Variants in PCDHA11 observed in about 807,000 individuals in gnomAD.
The protein encoded by PCDHA11 is protocadherin alpha 11, also known as protocadherin alpha-11.
PCDHA11 carries 61 observed loss-of-function variants against 70.3 expected under a neutral mutation model. The ratio of observed to expected loss-of-function variants is 0.87; its 90% CI spans 0.71 to 1.07. The LOEUF (loss-of-function observed/expected upper bound fraction) is 1.07. PCDHA11 is among the 50% of genes least tolerant of loss of function. The probability of loss-of-function intolerance (pLI) is 0.00; values close to 1 mark genes in which losing one functional copy is unlikely to be tolerated. For missense variants in PCDHA11, 1,324 were observed against 1,237.5 expected, an observed-to-expected ratio of 1.07 and a Z score of -1.05; for synonymous variants, 633 against 555.1, an observed-to-expected ratio of 1.14 and a Z score of -1.97.
At chr5:140,961,252 C>T (rs1185090498) in intron 1 of PCDHA11, among the ~76,000 whole-genome samples, 1 of 152,158 alleles carries the variant, frequency 6.6e-6, no homozygotes, top group African/African-American at 2.4e-5. Context: ...TTATCCGAAG[C>T]TCCAGGAAGC....
chr5:140,961,564 T>A (rs2095622037), intron 1 of PCDHA11, among the ~76,000 whole-genome samples: 1 of 152,208 alleles, frequency 6.6e-6, no homozygotes, highest in African/African-American at 2.4e-5. Flanking sequence ...TTTTAAATTT[T>A]GTTTTGATAA....
At chr5:140,952,325 T>G in intron 1 of PCDHA11, among the ~76,000 whole-genome samples, 1 of 133,382 alleles carries the variant, frequency 7.5e-6, no homozygotes, top group Non-Finnish European at 1.6e-5. Context: ...GCAACAAGAG[T>G]GAAACTCCAT....
intron 3 of PCDHA11, among the ~76,000 whole-genome samples, chr5:140,992,217 C>T (rs1281643880): frequency 6.6e-6 from 1 of 152,088 alleles, no homozygotes; most frequent in Non-Finnish European, 1.5e-5. Flanking sequence ...AACTACTCTC[C>T]CTTCCTGGGA....
At chr5:140,912,914 T>C (rs141956430) in intron 1 of PCDHA11, among the ~76,000 whole-genome samples, 326 of 152,372 alleles carry the variant, frequency 2.1e-3, no homozygotes, top group African/African-American at 7.4e-3. Context: ...ATTGATTGAT[T>C]TGTGTATGTT....
At chr5:140,881,376 C>G in intron 1 of PCDHA11, 5 of 984,754 alleles carry the variant, frequency 5.1e-6, no homozygotes, top group Non-Finnish European at 6.0e-6. Context: ...GAATTGCAGC[C>G]GGCGGCGGTA....
chr5:140,939,037 T>C (rs1295630675), intron 1 of PCDHA11, among the ~76,000 whole-genome samples: 2 of 152,212 alleles, frequency 1.3e-5, no homozygotes, highest in African/African-American at 4.8e-5. Context: ...TCGGAAGAGT[T>C]GTCTTAGTCC....
At chr5:140,875,518 C>T in intron 1 of PCDHA11, 1 of 1,614,008 alleles carries the variant, frequency 6.2e-7, no homozygotes, top group Non-Finnish European at 8.5e-7. Flanking sequence ...GCGTCTGCTG[C>T]TCTCGCTTCT....
chr5:140,982,128 A>G (rs2153827578), intron 2 of PCDHA11, among the ~76,000 whole-genome samples: 1 of 152,384 alleles, frequency 6.6e-6, no homozygotes, highest in South Asian at 2.1e-4. Flanking sequence ...TTTTGAGAAC[A>G]AGCCCTCCTC....
chr5:140,971,184 A>C (rs1431296656), intron 1 of PCDHA11, among the ~76,000 whole-genome samples: 1 of 152,188 alleles, frequency 6.6e-6, no homozygotes, highest in African/African-American at 2.4e-5. Context: ...TGTAAGCCGG[A>C]AGCTCAGAGG....
chr5:140,949,537 C>A (rs1359504503), intron 1 of PCDHA11, among the ~76,000 whole-genome samples: 1 of 151,692 alleles, frequency 6.6e-6, no homozygotes, highest in African/African-American at 2.4e-5. Flanking sequence ...CATAAAATAT[C>A]GATTTGTTGC....
chr5:140,999,450 A>G (rs2097858332), intron 3 of PCDHA11, among the ~76,000 whole-genome samples: 1 of 152,198 alleles, frequency 6.6e-6, no homozygotes, highest in Admixed American at 6.5e-5. Flanking sequence ...TATTCGTTCA[A>G]CGAATAAGTG....
At chr5:140,937,238 C>T (rs1339814732) in intron 1 of PCDHA11, among the ~76,000 whole-genome samples, 1 of 151,920 alleles carries the variant, frequency 6.6e-6, no homozygotes, top group Admixed American at 6.6e-5. Flanking sequence ...GGGGTTTCAC[C>T]GTGTTAGCCA....
chr5:140,884,734 C>G, intron 1 of PCDHA11: 1 of 1,445,332 alleles, frequency 6.9e-7, no homozygotes. Flanking sequence ...TTTAAGACAT[C>G]TTTCCTGCCA....
intron 1 of PCDHA11, among the ~76,000 whole-genome samples, chr5:140,942,607 A>G (rs529680459): frequency 1.7e-5 from 2 of 116,438 alleles, no homozygotes; most frequent in East Asian, 2.5e-4. Context: ...TAGTGTTTAT[A>G]TTTGCCAATT....
intron 1 of PCDHA11, among the ~76,000 whole-genome samples, chr5:140,890,243 A>G (rs782339518): frequency 6.6e-6 from 1 of 152,130 alleles, no homozygotes; most frequent in Non-Finnish European, 1.5e-5. Context: ...ATTTACCAGT[A>G]CACTACTGCA....
intron 1 of PCDHA11, among the ~76,000 whole-genome samples, chr5:140,925,786 T>C (rs2082719026): frequency 1.3e-5 from 2 of 152,144 alleles, no homozygotes; most frequent in African/African-American, 4.8e-5. Context: ...CTAATGAGTA[T>C]CTCAGTACTT....
At chr5:140,964,566 G>A (rs2095840528) in intron 1 of PCDHA11, among the ~76,000 whole-genome samples, 1 of 152,168 alleles carries the variant, frequency 6.6e-6, no homozygotes, top group Non-Finnish European at 1.5e-5. Context: ...GGGCTGGGAG[G>A]AGATAAGGGG....
intron 1 of PCDHA11, chr5:140,927,256 CCT>C (rs2084020732): frequency 1.2e-6 from 2 of 1,614,144 alleles, no homozygotes; most frequent in Non-Finnish European, 1.7e-6. Flanking sequence ...TGACAACTCA[CCT>C]CTCTTTCCTG....
chr5:140,966,161 CT>C, intron 1 of PCDHA11: 1 of 175,442 alleles, frequency 5.7e-6, no homozygotes. Context: ...GCTTGGAGAT[CT>C]TTTCCTGGGG....
Sources: gnomAD v4.1 joint callset for allele counts (sites outside exome capture counted in the v4.1 genomes callset) on GRCh38, gnomAD v4.1.1 for gene constraint, MANE v1.5 for transcripts, NCBI Gene and HGNC (gene_info 2026-07-23, HGNC 2026-07-21) for gene names.